WDFY3: variants seen among roughly 807,000 people sequenced by gnomAD.
The protein encoded by WDFY3 is WD repeat and FYVE domain-containing protein 3.
In WDFY3, 66 loss-of-function variants were observed where a neutral mutation model predicts 409.6. That is an observed-to-expected ratio of 0.16 (90% CI 0.13 to 0.20). The LOEUF is 0.20. Ranked by LOEUF, WDFY3 falls within the 10% of genes least tolerant of loss-of-function variation. The probability of loss-of-function intolerance (pLI) is 1.00; values close to 1 mark genes in which losing one functional copy is unlikely to be tolerated. For missense variants in WDFY3, 3,031 were observed against 4,298.1 expected, an observed-to-expected ratio of 0.71 and a Z score of 8.24; for synonymous variants, 1,521 against 1,537.1, an observed-to-expected ratio of 0.99 and a Z score of 0.25.
At chr4:84,919,555 T>G (rs1768976221) in intron 2 of WDFY3, among the ~76,000 whole-genome samples, 1 of 152,126 alleles carries the variant, frequency 6.6e-6, no homozygotes, top group Non-Finnish European at 1.5e-5. Context: ...CCACATGTCA[T>G]GGGAGGGACC....
intron 8 of WDFY3, 125 bp downstream of exon 8, chr4:84,831,287 TG>T: frequency 1.3e-6 from 1 of 775,422 alleles, no homozygotes; most frequent in Non-Finnish European, 1.8e-6. Flanking sequence ...TTCTTTTCTC[TG>T]GGCAAATTTA....
At chr4:84,717,081 A>G (rs751650775) in intron 48 of WDFY3, 65 bp from the exon 49 acceptor site, 11 of 1,443,222 alleles carry the variant, frequency 7.6e-6, no homozygotes, top group Non-Finnish European at 1.0e-5. Flanking sequence ...TGTTCCATAA[A>G]GGGCGTGCTA....
chr4:84,809,432 G>A (rs1752100148), intron 14 of WDFY3: 1 of 154,084 alleles, frequency 6.5e-6, no homozygotes. Context: ...GACGGTTCAA[G>A]ACACTGACAC....
At chr4:84,926,926 AAGTC>A (rs1389544558) in intron 2 of WDFY3, among the ~76,000 whole-genome samples, 5 of 152,202 alleles carry the variant, frequency 3.3e-5, no homozygotes, top group Non-Finnish European at 7.4e-5. Flanking sequence ...TACCAAAAGA[AAGTC>A]TTAAATTTTT....
chr4:84,686,462 T>C (rs1248089530), intron 62 of WDFY3, among the ~76,000 whole-genome samples: 1 of 152,182 alleles, frequency 6.6e-6, no homozygotes, highest in African/African-American at 2.4e-5. Context: ...GTAAGTGAAT[T>C]CCTTTCTTTT....
At chr4:84,883,314 G>A (rs758508991) in intron 3 of WDFY3, among the ~76,000 whole-genome samples, 10 of 152,190 alleles carry the variant, frequency 6.6e-5, no homozygotes, top group African/African-American at 1.2e-4. Flanking sequence ...AATATATTAG[G>A]TAAATCTATC....
intron 54 of WDFY3, 122 bp from the exon 55 acceptor site, chr4:84,704,566 T>TGTTAC: frequency 1.5e-6 from 1 of 661,998 alleles, no homozygotes; most frequent in Non-Finnish European, 2.4e-6. Flanking sequence ...ATGCAATTAG[T>TGTTAC]ACTGGCATTT....
chr4:84,765,492 TTTATTA>T (rs926360885), intron 32 of WDFY3, among the ~76,000 whole-genome samples: 3 of 152,072 alleles, frequency 2.0e-5, no homozygotes, highest in Non-Finnish European at 2.9e-5. Context: ...AAAATAAATA[TTTATTA>T]TTATTATTAA....
intron 4 of WDFY3, among the ~76,000 whole-genome samples, chr4:84,859,336 T>A (rs1252826980): frequency 6.6e-6 from 1 of 152,132 alleles, no homozygotes; most frequent in Non-Finnish European, 1.5e-5. Context: ...TGAGTGTATG[T>A]ATGTATGTAT....
chr4:84,753,892 G>A lies in WDFY3; in HGVS notation c.5560-16C>T, dbSNP rs1740961823. 1.3e-6 allele frequency: 2 copies of A among 1,562,194 alleles called. No homozygotes were observed. Among genetic ancestry groups the A allele is most frequent in the East Asian group, 4.5e-5 (2 of 44,162 alleles). ...ATTGCCAAGGCTGTTATGGGGACAT[G>A]AGAGGAAACACTATGTTACAGTTAT... is the stretch of plus-strand genomic sequence containing the variant. On this transcript the variant is annotated splice_polypyrimidine_tract_variant and intron_variant, in intron 34 of 67. Coordinates refer to ENST00000295888, the MANE Select transcript of WDFY3 (RefSeq NM_014991.6).
At chr4:84,932,912 T>C (rs896660851) in intron 1 of WDFY3, among the ~76,000 whole-genome samples, 1 of 152,196 alleles carries the variant, frequency 6.6e-6, no homozygotes, top group Non-Finnish European at 1.5e-5. Context: ...ACAGGATATA[T>C]AAATGTTTCC....
rs563384699 is a variant in WDFY3 at position 84,718,215 on chromosome 4, T to A, written c.7754+207A>T. Among the ~76,000 whole-genome samples the A allele has an allele frequency of 3.1e-4, 47 of 152,188 alleles. No individual in the cohort carries two copies. In the South Asian group the frequency reaches 9.5e-3, roughly 31 times the overall value. On this transcript the variant is annotated intron_variant, in intron 48 of 67. Transcript: ENST00000295888. ...TGCACAGAAATAAATGTTATTTAGCTTTCATCTTGATAAATAAGCCAAACA... is the reference window on the plus strand; with the variant it reads ...TGCACAGAAATAAATGTTATTTAGCATTCATCTTGATAAATAAGCCAAACA...
chr4:84,753,797 T>A lies in WDFY3; in HGVS notation c.5639A>T (p.His1880Leu). The change falls in exon 35 of 68, where the codon CAC becomes CTC. Residue 1880 changes from histidine to leucine, a missense_variant. His to Leu is a moderately conservative substitution (Grantham distance 99). Transcript: ENST00000295888. ...TLMQFFRYLY[H>L]NVPDLASMWM... ...CATGGAGGCAAGGTCTGGCACGTTG[T>A]GATACAAATATCTGAAGAACTGCAT... The A allele has an allele frequency of 6.2e-7, 1 of 1,612,202 alleles. No homozygotes were observed. The highest frequency in any genetic ancestry group is 8.5e-7 in the Non-Finnish European group (1 of 1,179,232).
chr4:84,791,178 T>C lies in WDFY3; in HGVS notation c.3488-1271A>G, dbSNP rs1748453455. 2.6e-5 allele frequency among the ~76,000 whole-genome samples: 4 copies of C among 152,138 alleles called. No individual in the cohort carries two copies. The South Asian group carries it at 8.3e-4, about 31-fold the overall frequency. On this transcript the variant is annotated intron_variant, in intron 21 of 67. Transcript: ENST00000295888. ...GTACTCCCCTGGACAGATGAGTAGA[T>C]AAAGAAAATGTGGTACATATATACA...
intron 15 of WDFY3, 94 bp from the exon 16 acceptor site, chr4:84,803,561 G>C (rs1388360372): frequency 7.5e-7 from 1 of 1,336,582 alleles, no homozygotes; most frequent in African/African-American, 1.5e-5. Flanking sequence ...AAAAAGCCTT[G>C]TTAGAAAACA....
chr4:84,832,511 T>A (rs1476990233), intron 7 of WDFY3, among the ~76,000 whole-genome samples: 2 of 152,146 alleles, frequency 1.3e-5, no homozygotes, highest in Non-Finnish European at 2.9e-5. Context: ...AAAGAAATAA[T>A]AAATGTTTGA....
chr4:84,940,386 G>C (rs1771953071), intron 1 of WDFY3, among the ~76,000 whole-genome samples: 1 of 151,960 alleles, frequency 6.6e-6, no homozygotes, highest in Admixed American at 6.6e-5. Context: ...ATTTGTTTCA[G>C]TGGATTAGGA....
rs1052731419 is a variant in WDFY3 at position 84,683,964 on chromosome 4, T to C, written c.9705A>G (p.Gly3235=). 2 of 1,603,576 alleles carry C rather than the reference T, an allele frequency of 1.2e-6. No individual in the cohort carries two copies. Among genetic ancestry groups the C allele is most frequent in the Non-Finnish European group, 1.7e-6 (2 of 1,171,418 alleles). The change falls in exon 63 of 68, where the codon GGA becomes GGG. Residue 3235 remains glycine, a synonymous_variant. Coordinates refer to ENST00000295888, the MANE Select transcript of WDFY3 (RefSeq NM_014991.6). ...TTACCCGAACCACTCCATCTGAGTG[T>C]CCTGTCACTATGACGTTCTGCGTGT... is the stretch of plus-strand genomic sequence containing the variant. ...EWDTQNVIVT[G]HSDGVVRFWR...
In WDFY3 at chr4:84,740,392, A is replaced by T. The variant is rs1738197322; in HGVS notation, c.6259T>A (p.Ser2087Thr). 2 of 1,614,060 alleles carry T rather than the reference A, an allele frequency of 1.2e-6. No homozygotes were observed. The highest frequency in any genetic ancestry group is 1.7e-6 in the Non-Finnish European group (2 of 1,180,034). ...AGGCAATGATACACTGCATCCAGTG[A>T]CAATCCCTGTGATCTTCTCTTTGAC... Reference protein sequence around the residue: ...AQSKRRSQGLSLDAVYHCLNR... With the variant: ...AQSKRRSQGLTLDAVYHCLNR... The change falls in exon 39 of 68, where the codon TCA (serine) becomes ACA (threonine). Residue 2087 changes from serine to threonine, a missense_variant. This residue lies in a region of WDFY3 where 314 missense variants were observed against 397.4 expected (regional missense o/e 0.79). Transcript: ENST00000295888.
Sources: gnomAD v4.1 joint callset for allele counts (sites outside exome capture counted in the v4.1 genomes callset) on GRCh38, gnomAD v4.1.1 for gene constraint, gnomAD v4.1.1 regional missense constraint, MANE v1.5 for transcripts, NCBI Gene and HGNC (gene_info 2026-07-23, HGNC 2026-07-21) for gene names.